Variants in GON4L observed in about 807,000 individuals in gnomAD.
The protein encoded by GON4L is gon-4 like.
In GON4L, 87 loss-of-function variants were observed where a neutral mutation model predicts 211.8. That is an observed-to-expected ratio of 0.41 (90% CI 0.35 to 0.49). GON4L has a LOEUF of 0.49. Ranked by LOEUF, GON4L falls within the 20% of genes least tolerant of loss-of-function variation. The pLI is 0.15. For synonymous variants in GON4L, 875 were observed against 962.6 expected (o/e 0.91, Z 1.68); for missense variants, 2,155 against 2,659.5 (o/e 0.81, Z 4.17).
At position 155,753,330 on chromosome 1, in the gene GON4L, C is replaced by G. The variant is rs763798780; in HGVS notation, c.5716G>C (p.Gly1906Arg). 1.7e-5 allele frequency: 28 copies of G among 1,613,292 alleles called. No homozygotes were observed. The highest frequency in any genetic ancestry group is 7.6e-6 in the Non-Finnish European group (9 of 1,179,488). The change falls in exon 29 of 32, where the codon GGT (glycine) becomes CGT (arginine). Residue 1906 changes from glycine (G) to arginine (R), a missense_variant. Gly to Arg is a moderately radical substitution (Grantham distance 125). This residue lies in a region of GON4L where 455 missense variants were observed against 504.6 expected (regional missense o/e 0.90). Transcript: ENST00000368331. ...SPHREASPMP[G>R]AKEAGQGKDM... ...TTGCCCTGCCCAGCTTCCTTAGCACCAGGCATAGGACTAGCCTCTCGGTGG... is the reference window on the plus strand; with the variant it reads ...TTGCCCTGCCCAGCTTCCTTAGCACGAGGCATAGGACTAGCCTCTCGGTGG...
At chr1:155,789,739 C>A (rs971966487) in intron 12 of GON4L, among the ~76,000 whole-genome samples, 3 of 152,046 alleles carry the variant, frequency 2.0e-5, no homozygotes, top group Non-Finnish European at 4.4e-5. Flanking sequence ...CCCTCAGTAT[C>A]TGTGGAGGTT....
intron 14 of GON4L, among the ~76,000 whole-genome samples, chr1:155,783,459 A>C (rs1324863236): frequency 1.3e-5 from 2 of 152,256 alleles, no homozygotes; most frequent in Non-Finnish European, 2.9e-5. Flanking sequence ...AATCCACCAC[A>C]AAATGAGGAA....
At chr1:155,769,426 G>C (rs189180503) in intron 19 of GON4L, among the ~76,000 whole-genome samples, 2 of 152,326 alleles carry the variant, frequency 1.3e-5, no homozygotes, top group East Asian at 3.9e-4. Flanking sequence ...TTCCCAGGAT[G>C]ATGGGGAGGA....
chr1:155,799,503 A>G (rs1666424393), intron 11 of GON4L, among the ~76,000 whole-genome samples: 1 of 152,172 alleles, frequency 6.6e-6, no homozygotes, highest in African/African-American at 2.4e-5. Flanking sequence ...CCTAACCATT[A>G]GTCCAATTCC....
intron 22 of GON4L, among the ~76,000 whole-genome samples, chr1:155,762,967 C>T (rs535994117): frequency 5.3e-5 from 8 of 151,484 alleles, no homozygotes; most frequent in African/African-American, 1.9e-4. Flanking sequence ...ACCTGGGAGG[C>T]AGAGGTTGCA....
chr1:155,820,709 A>C (rs901491738), intron 5 of GON4L, 53 bp from the exon 6 acceptor site: 2 of 1,353,292 alleles, frequency 1.5e-6, no homozygotes, highest in East Asian at 2.3e-5. Context: ...CAGCTCAGTG[A>C]GGTGGCTCAT....
chr1:155,809,915 A>G (rs531443545), intron 10 of GON4L, among the ~76,000 whole-genome samples: 15 of 133,302 alleles, frequency 1.1e-4, no homozygotes, highest in African/African-American at 4.1e-4. Context: ...AATTATATAC[A>G]TATATAATTA....
intron 13 of GON4L, chr1:155,784,876 C>T (rs1219487405): frequency 1.8e-5 from 5 of 282,482 alleles, no homozygotes; most frequent in Non-Finnish European, 3.5e-5. Context: ...CACTGGGAGG[C>T]CCAAGGCAGG....
At chr1:155,778,115 G>C (rs1664019743) in intron 14 of GON4L, among the ~76,000 whole-genome samples, 1 of 152,030 alleles carries the variant, frequency 6.6e-6, no homozygotes, top group Admixed American at 6.6e-5. Context: ...GAAATATCTG[G>C]ATAAGAAAGC....
At chr1:155,833,002 G>C (rs1014462141) in intron 2 of GON4L, 1 of 150,204 alleles carries the variant, frequency 6.7e-6, no homozygotes, top group African/African-American at 2.4e-5. Flanking sequence ...AAATTCTGGA[G>C]AGACACTCAT....
chr1:155,754,468 C>T lies in GON4L; in HGVS notation c.5538G>A (p.Gly1846=), dbSNP rs761963405. 1.2e-6 allele frequency: 2 copies of T among 1,610,834 alleles called. No homozygotes were observed. The highest frequency in any genetic ancestry group is 1.7e-6 in the Non-Finnish European group (2 of 1,177,388). Residue 1846 remains glycine, a synonymous_variant, in exon 28 of 32, where the codon GGG becomes GGA. Transcript: ENST00000368331. ...NHDKETEWPD[G]AKDCACSCHE... is the part of the protein sequence containing the mutation. ...GGCAGGAGCAGGCACAGTCCTTGGC[C>T]CCATCTGGCCATTCAGTCTCCTAGG...
At chr1:155,767,319 C>G in intron 20 of GON4L, 106 bp downstream of exon 20, 1 of 1,611,372 alleles carries the variant, frequency 6.2e-7, no homozygotes, top group Non-Finnish European at 8.5e-7. Flanking sequence ...TTCTAAAGTC[C>G]TAGTTCTACA....
chr1:155,803,001 C>A (rs1343220543), intron 11 of GON4L, among the ~76,000 whole-genome samples: 1 of 152,006 alleles, frequency 6.6e-6, no homozygotes, highest in Non-Finnish European at 1.5e-5. Context: ...TAACAATGGG[C>A]CAGGCACCCT....
At chr1:155,797,716 A>T (rs1666211424) in intron 11 of GON4L, among the ~76,000 whole-genome samples, 1 of 150,816 alleles carries the variant, frequency 6.6e-6, no homozygotes, top group Non-Finnish European at 1.5e-5. Context: ...AGCCAAGAGT[A>T]ATGGTGCGTG....
At chr1:155,843,006 G>A (rs1670921609) in intron 2 of GON4L, among the ~76,000 whole-genome samples, 1 of 152,038 alleles carries the variant, frequency 6.6e-6, no homozygotes, top group Non-Finnish European at 1.5e-5. Context: ...CCTGTTTTTG[G>A]TGAATCCCTA....
chr1:155,822,582 T>C (rs1399396559), intron 3 of GON4L, 106 bp from the exon 4 acceptor site: 1 of 816,294 alleles, frequency 1.2e-6, no homozygotes, highest in Non-Finnish European at 2.1e-6. Context: ...CATTATGCTG[T>C]GAAAGAAACC....
intron 23 of GON4L, among the ~76,000 whole-genome samples, chr1:155,761,686 G>A (rs141945470): frequency 6.6e-6 from 1 of 151,526 alleles, no homozygotes; most frequent in Non-Finnish European, 1.5e-5. Context: ...GTAGAGACAG[G>A]GTTTCACCAT....
downstream of GON4L, chr1:155,747,838 A>G: frequency 1.3e-6 from 2 of 1,597,400 alleles, no homozygotes; most frequent in Non-Finnish European, 1.7e-6. Context: ...CTACAAGATG[A>G]ATATTCAGGG....
At chr1:155,787,510 C>T (rs1461966048) in intron 12 of GON4L, among the ~76,000 whole-genome samples, 1 of 152,186 alleles carries the variant, frequency 6.6e-6, no homozygotes, top group Admixed American at 6.6e-5. Flanking sequence ...CAGTGGCTTA[C>T]GCCTGTAATT....
Sources: allele counts gnomAD v4.1 joint callset (sites outside exome capture counted in the v4.1 genomes callset), GRCh38; gene constraint gnomAD v4.1.1; regional missense constraint gnomAD v4.1.1; transcripts MANE v1.5; gene names NCBI Gene and HGNC (gene_info 2026-07-23, HGNC 2026-07-21).